Variants in PDE9A observed in about 807,000 individuals in gnomAD.
PDE9A encodes the protein high affinity cGMP-specific 3',5'-cyclic phosphodiesterase 9A.
A neutral mutation model predicts 87.4 loss-of-function variants in PDE9A; 60 were observed. The observed-to-expected ratio is 0.69, with a 90% CI of 0.56 to 0.85. The LOEUF is 0.85. Among genes scored for constraint, PDE9A ranks in the 40% least tolerant of loss-of-function variants. The pLI, the probability that PDE9A is intolerant of heterozygous loss-of-function variation, is 0.00. For missense variants in PDE9A, 665 were observed against 779.0 expected, an observed-to-expected ratio of 0.85 and a Z score of 1.74; for synonymous variants, 272 against 279.4, an observed-to-expected ratio of 0.97 and a Z score of 0.27.
At chr21:42,668,404 G>A (rs2058153554) in intron 1 of PDE9A, among the ~76,000 whole-genome samples, 1 of 152,206 alleles carries the variant, frequency 6.6e-6, no homozygotes, top group Non-Finnish European at 1.5e-5. Context: ...GAGAGGGGGT[G>A]GCGGAAGGGT....
intron 1 of PDE9A, among the ~76,000 whole-genome samples, chr21:42,665,240 G>A (rs1235660021): frequency 2.6e-5 from 4 of 152,204 alleles, no homozygotes; most frequent in Admixed American, 2.0e-4. Flanking sequence ...AGCCAGCCCC[G>A]CCCATGCCTC....
At chr21:42,681,055 C>A (rs1291152693) in intron 1 of PDE9A, among the ~76,000 whole-genome samples, 2 of 152,254 alleles carry the variant, frequency 1.3e-5, no homozygotes, top group African/African-American at 4.8e-5. Context: ...CAAACTTGAA[C>A]TTTGTGTCAA....
At chr21:42,729,849 G>A (rs1236344293) in intron 4 of PDE9A, among the ~76,000 whole-genome samples, 1 of 152,082 alleles carries the variant, frequency 6.6e-6, no homozygotes, top group Non-Finnish European at 1.5e-5. Context: ...TTTGATCCTC[G>A]TGTGGTCAGA....
At chr21:42,730,939 T>A (rs948818230) in intron 4 of PDE9A, among the ~76,000 whole-genome samples, 6 of 152,074 alleles carry the variant, frequency 3.9e-5, no homozygotes, top group African/African-American at 1.4e-4. Context: ...TTTTGTTTGT[T>A]TGGGCAGCTT....
chr21:42,764,687 T>G (rs1258400849), intron 14 of PDE9A, among the ~76,000 whole-genome samples: 1 of 152,228 alleles, frequency 6.6e-6, no homozygotes, highest in East Asian at 1.9e-4. Flanking sequence ...AATATGACTC[T>G]CCTCTGGGGG....
intron 7 of PDE9A, chr21:42,734,581 C>T (rs1569218982): frequency 6.6e-6 from 1 of 151,002 alleles, no homozygotes; most frequent in African/African-American, 2.4e-5. Context: ...TTTTCTTTTT[C>T]TTTTTTTGAG....
intron 1 of PDE9A, among the ~76,000 whole-genome samples, chr21:42,677,288 A>T (rs376880533): frequency 2.0e-4 from 31 of 152,278 alleles, no homozygotes; most frequent in Non-Finnish European, 1.8e-4. Flanking sequence ...GATGTAAGCG[A>T]TAACAGCAAG....
intron 1 of PDE9A, among the ~76,000 whole-genome samples, chr21:42,666,145 G>T (rs932105630): frequency 2.0e-5 from 3 of 152,182 alleles, no homozygotes; most frequent in Non-Finnish European, 2.9e-5. Context: ...GGCCACAACC[G>T]AGAGGGCGTG....
rs571789155 is a variant in PDE9A, at chr21:42,670,319, C to A, written c.70-15873C>A. Among the ~76,000 whole-genome samples, 471 of 115,202 alleles carry A rather than the reference C, an allele frequency of 4.1e-3. 3 individuals are homozygous for A. The highest frequency in any genetic ancestry group is 0.027 in the African/African-American group (453 of 16,674). 75.6% of individuals were successfully genotyped at this position (115,202 alleles called of 152,430 possible). On this transcript the variant is annotated intron_variant, in intron 1 of 19. Coordinates refer to ENST00000291539, the MANE Select transcript of PDE9A (RefSeq NM_002606.3). ...CACACACATACACTTAGACACCACA[C>A]TCACATTCACACACATTCACATACA...
At chr21:42,749,631 A>T (rs1300311957) in intron 8 of PDE9A, among the ~76,000 whole-genome samples, 1 of 152,242 alleles carries the variant, frequency 6.6e-6, no homozygotes, top group Non-Finnish European at 1.5e-5. Flanking sequence ...CAGAAAACTC[A>T]TCTGCTAACA....
rs920795824 is a variant in PDE9A, at chr21:42,704,168, G to A, written c.262+5157G>A. 2.0e-5 allele frequency among the ~76,000 whole-genome samples: 3 copies of A among 152,208 alleles called. No homozygotes were observed. Among genetic ancestry groups the A allele is most frequent in the Non-Finnish European group, 2.9e-5 (2 of 68,042 alleles). ...CTTCAGAGAGGATGAGCGGCCACAC[G>A]GAAGGCCAGGCTGGGTGTCCCTCCG... On this transcript the variant is annotated intron_variant, in intron 4 of 19. Transcript: ENST00000291539. This position sits in a 1 kb window ranked among gnomAD's most constrained non-coding sequence, Gnocchi z 5.3.
intron 3 of PDE9A, among the ~76,000 whole-genome samples, chr21:42,691,277 G>A (rs529387036): frequency 4.1e-5 from 6 of 148,040 alleles, no homozygotes; most frequent in African/African-American, 1.5e-4. Flanking sequence ...AAGTCACCCA[G>A]ACCCATCACC....
At chr21:42,735,294 T>C (rs2052281802) in intron 7 of PDE9A, among the ~76,000 whole-genome samples, 1 of 152,214 alleles carries the variant, frequency 6.6e-6, no homozygotes, top group Admixed American at 6.5e-5. Context: ...TGCTTCTCCA[T>C]GTCACTGGCT....
At chr21:42,674,801 A>C (rs986154934) in intron 1 of PDE9A, among the ~76,000 whole-genome samples, 3 of 152,222 alleles carry the variant, frequency 2.0e-5, no homozygotes, top group Non-Finnish European at 4.4e-5. Context: ...GCTTGGCTTA[A>C]TGCCAAAGAG....
chr21:42,744,644 C>T (rs1018890150), intron 8 of PDE9A, among the ~76,000 whole-genome samples: 10 of 152,148 alleles, frequency 6.6e-5, no homozygotes, highest in Admixed American at 2.0e-4. Flanking sequence ...CCTTCACAGG[C>T]GCTTCGGGGG....
chr21:42,670,031 T>G (rs913154861), intron 1 of PDE9A, among the ~76,000 whole-genome samples: 2 of 147,666 alleles, frequency 1.4e-5, no homozygotes, highest in African/African-American at 5.4e-5. Context: ...GAAAGCACCA[T>G]GTTTCACCTT....
chr21:42,670,216 C>T (rs1342219760), intron 1 of PDE9A, among the ~76,000 whole-genome samples: 4 of 119,180 alleles, frequency 3.4e-5, no homozygotes, highest in East Asian at 4.9e-4. Context: ...CACTTACATT[C>T]ACACACATAC....
intron 10 of PDE9A, among the ~76,000 whole-genome samples, chr21:42,754,979 G>A (rs73905762): frequency 0.019 from 2,958 of 152,222 alleles, 97 homozygotes; most frequent in African/African-American, 0.068. Flanking sequence ...ACAAAAAAAA[G>A]GTGTTAAAAT....
intron 1 of PDE9A, among the ~76,000 whole-genome samples, chr21:42,665,251 G>A (rs983414821): frequency 6.6e-6 from 1 of 152,300 alleles, no homozygotes; most frequent in Non-Finnish European, 1.5e-5. Flanking sequence ...CCCATGCCTC[G>A]AGCTCAGGCT....
Sources: allele counts gnomAD v4.1 joint callset (sites outside exome capture counted in the v4.1 genomes callset), GRCh38; gene constraint gnomAD v4.1.1; non-coding constraint Gnocchi (gnomAD v3.1); transcripts MANE v1.5; gene names NCBI Gene and HGNC (gene_info 2026-07-23, HGNC 2026-07-21).